KCNA3: variants seen among roughly 807,000 people sequenced by gnomAD.
KCNA3 encodes potassium voltage-gated channel subfamily A member 3, also known as RP11-284N8.3.
In KCNA3, 18 loss-of-function variants were observed where a neutral mutation model predicts 34.3. The observed-to-expected ratio is 0.52, with a 90% confidence interval of 0.36 to 0.78. The LOEUF (loss-of-function observed/expected upper bound fraction) is 0.78, where lower values mean the gene tolerates loss of function less well. KCNA3 is among the 30% of genes least tolerant of loss of function. The pLI is 0.00. For missense variants in KCNA3, 587 were observed against 802.5 expected (o/e 0.73, Z 3.24); for synonymous variants, 324 against 351.7 (o/e 0.92, Z 0.88).
At chr1:110,660,404 G>A in the KCNA3 span, among the ~76,000 whole-genome samples, 2 of 151,814 alleles carry the variant, frequency 1.3e-5, no homozygotes, top group Admixed American at 1.3e-4. Context: ...TTTTCTCAGT[G>A]TATTTCCAAG....
At chr1:110,670,046 C>T (rs1651827587), downstream of KCNA3, among the ~76,000 whole-genome samples, 1 of 152,114 alleles carries the variant, frequency 6.6e-6, no homozygotes, top group African/African-American at 2.4e-5. Context: ...TTATCACCCT[C>T]ATTTTACAAA....
At chr1:110,654,251 G>C in the KCNA3 span, 3 of 152,108 alleles carry the variant, frequency 2.0e-5, no homozygotes, top group African/African-American at 7.2e-5. Flanking sequence ...TCTAACACTT[G>C]ATAATCAATT....
the KCNA3 span, chr1:110,656,104 A>C: frequency 6.6e-6 from 1 of 152,182 alleles, no homozygotes; most frequent in Non-Finnish European, 1.5e-5. Context: ...TTAACTTTTT[A>C]ATGTGACAAA....
rs764269530 is a variant in KCNA3 at position 110,674,197 on chromosome 1, G to A, written c.613C>T (p.Arg205Trp). 6.2e-7 allele frequency: 1 copy of A among 1,612,612 alleles called. No homozygotes were observed. The highest frequency in any genetic ancestry group is 1.1e-5 in the South Asian group (1 of 90,910). The stretch of plus-strand genomic sequence containing the variant: ...CGGGGCAAGGGCCGCTCCTCCTCCC[G>A]CAGGAAGCCCTCGTCCTCGCGGAAC... Reference protein sequence around the residue: ...EKFREDEGFLREEERPLPRRD... With the variant: ...EKFREDEGFLWEEERPLPRRD... Residue 205 changes from arginine to tryptophan, a missense_variant, in exon 1 of 1, where the codon CGG (arginine) becomes TGG (tryptophan). Coordinates refer to ENST00000369769, the MANE Select transcript of KCNA3 (RefSeq NM_002232.5). This position sits in a 1 kb window ranked among gnomAD's most constrained non-coding sequence, Gnocchi z 6.4.
chr1:110,672,014 A>C (rs1372931761), downstream of KCNA3, among the ~76,000 whole-genome samples: 1 of 152,182 alleles, frequency 6.6e-6, no homozygotes, highest in Non-Finnish European at 1.5e-5. Context: ...TTAGAGTCTC[A>C]GACTTAACTT....
the KCNA3 span, among the ~76,000 whole-genome samples, chr1:110,665,016 G>T: frequency 2.0e-5 from 3 of 152,232 alleles, no homozygotes; most frequent in African/African-American, 7.2e-5. Context: ...TGCAGCACAG[G>T]ATCAAGTGGG....
the KCNA3 span, chr1:110,654,733 A>T: frequency 6.6e-6 from 1 of 152,146 alleles, no homozygotes. Context: ...TTAAAATTAA[A>T]TTTTTGTCAA....
the KCNA3 span, chr1:110,654,288 G>A: frequency 6.6e-6 from 1 of 152,118 alleles, no homozygotes; most frequent in Non-Finnish European, 1.5e-5. Flanking sequence ...AGGAAAATGA[G>A]CTTTCTTAAA....
At chr1:110,666,075 T>A in the KCNA3 span, among the ~76,000 whole-genome samples, 1 of 152,160 alleles carries the variant, frequency 6.6e-6, no homozygotes, top group African/African-American at 2.4e-5. Context: ...TACAGCTATG[T>A]CAAGATAACA....
downstream of KCNA3, among the ~76,000 whole-genome samples, chr1:110,668,404 C>G (rs1053222021): frequency 5.9e-5 from 9 of 152,080 alleles, no homozygotes; most frequent in African/African-American, 2.2e-4. Flanking sequence ...TTATGGTACT[C>G]AAAGGAACAG....
Position 110,674,561 on chromosome 1 carries a change from G to A in KCNA3, c.249C>T (p.Cys83=). 1 of 1,554,492 alleles carries A rather than the reference G, an allele frequency of 6.4e-7. No individual in the cohort carries two copies. The highest frequency in any genetic ancestry group is 8.7e-7 in the Non-Finnish European group (1 of 1,155,064). ...AGGGCGGCAGCGGCTCGTAGCGGTC[G>A]CAGCCGCCGCCGCCACAGCCGCCTT... is the stretch of plus-strand genomic sequence containing the variant. ...PPQGGCGGGG[C]DRYEPLPPSL... Residue 83 remains cysteine (C), a synonymous_variant, in exon 1 of 1, where the codon TGC becomes TGT. Transcript: ENST00000369769. The surrounding 1 kb of genome is among the most constrained non-coding windows in gnomAD (Gnocchi z 6.4).
In KCNA3 at chr1:110,673,364, G is replaced by C; in HGVS notation, c.1446C>G (p.Asn482Lys). 1 of 1,614,052 alleles carries C rather than the reference G, an allele frequency of 6.2e-7. No homozygotes were observed. The highest frequency in any genetic ancestry group is 8.5e-7 in the Non-Finnish European group (1 of 1,180,028). ...TCTCCCGGTGGTAGAAGTAATTGAAGTTGGAAACAATCACGGGAACTGGCA... is the reference window on the plus strand; with the variant it reads ...TCTCCCGGTGGTAGAAGTAATTGAACTTGGAAACAATCACGGGAACTGGCA... ...IALPVPVIVS[N>K]FNYFYHRETE... The change falls in exon 1 of 1, where the codon AAC becomes AAG. Residue 482 changes from asparagine to lysine, a missense_variant. Asn to Lys is a moderately conservative substitution (Grantham distance 94). Transcript: ENST00000369769. The surrounding 1 kb of genome is among the most constrained non-coding windows in gnomAD (Gnocchi z 8.8).
Position 110,673,204 on chromosome 1 carries a change from C to A in KCNA3, c.1606G>T (p.Gly536Cys). 6.2e-7 allele frequency: 1 copy of A among 1,614,050 alleles called. No homozygotes were observed. The highest frequency in any genetic ancestry group is 1.1e-5 in the South Asian group (1 of 91,074). ...TGGGGGAAAGCGCTATGGTTCATAC[C>A]CCCCTCTTCGATCACCATATACTCC... The part of the protein sequence containing the change: ...KSEYMVIEEG[G>C]MNHSAFPQTP... The change falls in exon 1 of 1, where the codon GGT becomes TGT. Residue 536 changes from glycine (G) to cysteine (C), a missense_variant. By Grantham distance (159) the Gly-to-Cys change is radical. Around this residue, in one of 7 missense-constraint regions of KCNA3, gnomAD observed 95 missense variants for 107.3 expected, o/e 0.89. Transcript: ENST00000369769. This position sits in a 1 kb window ranked among gnomAD's most constrained non-coding sequence, Gnocchi z 8.8.
downstream of KCNA3, among the ~76,000 whole-genome samples, chr1:110,668,053 G>A (rs1023461131): frequency 2.6e-5 from 4 of 152,072 alleles, no homozygotes; most frequent in East Asian, 7.7e-4. Context: ...ATAAAAACAA[G>A]TGATTTCATT....
At position 110,674,152 on chromosome 1, in the gene KCNA3, C is replaced by T. The variant is rs1420565188; in HGVS notation, c.658G>A (p.Val220Met). The change falls in exon 1 of 1, where the codon GTG (valine) becomes ATG (methionine). Residue 220 changes from valine to methionine, a missense_variant. Around this residue, in one of 7 missense-constraint regions of KCNA3, gnomAD observed 341 missense variants for 355.4 expected, o/e 0.96. Coordinates refer to ENST00000369769, the MANE Select transcript of KCNA3 (RefSeq NM_002232.5). The surrounding 1 kb of genome is among the most constrained non-coding windows in gnomAD (Gnocchi z 6.4). ...TCGGGGTACTCGAAGAGCAGCCACA[C>T]CTGGCGCTGGAAGTCGCGGCGGGGC... is the stretch of plus-strand genomic sequence containing the variant. The part of the protein sequence containing the change: ...PLPRRDFQRQ[V>M]WLLFEYPESS... The T allele has an allele frequency of 6.2e-7, 1 of 1,613,338 alleles. No homozygotes were observed.
chr1:110,674,525 G>T lies in KCNA3; in HGVS notation c.285C>A (p.Ala95=), dbSNP rs1178041862. Residue 95 remains alanine, a synonymous_variant, in exon 1 of 1, where the codon GCC becomes GCA. Transcript: ENST00000369769. This position sits in a 1 kb window ranked among gnomAD's most constrained non-coding sequence, Gnocchi z 6.4. ...CCCCGCAGCAGTCCTGCTCGCCCGCGGCCGGCAGTGAGGGCGGCAGCGGCT... is the reference window on the plus strand; with the variant it reads ...CCCCGCAGCAGTCCTGCTCGCCCGCTGCCGGCAGTGAGGGCGGCAGCGGCT... ...RYEPLPPSLP[A]AGEQDCCGER... 1.9e-6 allele frequency: 3 copies of T among 1,610,514 alleles called. No homozygotes were observed. Among genetic ancestry groups the T allele is most frequent in the Admixed American group, 1.7e-5 (1 of 59,824 alleles).
chr1:110,668,996 G>A (rs1651787669), downstream of KCNA3, among the ~76,000 whole-genome samples: 2 of 152,306 alleles, frequency 1.3e-5, no homozygotes, highest in South Asian at 4.1e-4. Context: ...AGAAGGGTCT[G>A]CAGCTATTAT....
chr1:110,660,558 C>A, the KCNA3 span, among the ~76,000 whole-genome samples: 1 of 151,982 alleles, frequency 6.6e-6, no homozygotes, highest in African/African-American at 2.4e-5. Context: ...CTGAGAAAAC[C>A]ATGTTCTATG....
At chr1:110,662,152 T>G in the KCNA3 span, among the ~76,000 whole-genome samples, 5 of 148,752 alleles carry the variant, frequency 3.4e-5, no homozygotes, top group African/African-American at 1.2e-4. Flanking sequence ...AATGTCTATA[T>G]TAGTGGTTAA....
Sources: allele counts gnomAD v4.1 joint callset (sites outside exome capture counted in the v4.1 genomes callset), GRCh38; gene constraint gnomAD v4.1.1; regional missense constraint gnomAD v4.1.1; non-coding constraint Gnocchi (gnomAD v3.1); transcripts MANE v1.5; gene names NCBI Gene and HGNC (gene_info 2026-07-23, HGNC 2026-07-21).